The following EIF4ENIF1 variants were observed in gnomAD, a reference collection of about 807,000 sequenced individuals.
EIF4ENIF1 encodes the protein eukaryotic translation initiation factor 4E transporter.
A neutral mutation model predicts 110.5 loss-of-function variants in EIF4ENIF1; 23 were observed. The ratio of observed to expected loss-of-function variants is 0.21; its 90% CI spans 0.15 to 0.29. The LOEUF is 0.29. EIF4ENIF1 is among the 10% of genes least tolerant of loss of function. The probability of loss-of-function intolerance (pLI) is 1.00; values close to 1 mark genes in which losing one functional copy is unlikely to be tolerated. For missense variants in EIF4ENIF1, 1,031 were observed against 1,221.1 expected, an observed-to-expected ratio of 0.84 and a Z score of 2.32; for synonymous variants, 440 against 437.0, an observed-to-expected ratio of 1.01 and a Z score of -0.09.
intron 2 of EIF4ENIF1, among the ~76,000 whole-genome samples, chr22:31,475,891 T>C (rs916370462): frequency 1.3e-5 from 2 of 149,332 alleles, no homozygotes; most frequent in Non-Finnish European, 3.0e-5. Context: ...CACGGGAGAC[T>C]CCAGAGAAAT....
chr22:31,440,210 C>G, intron 18 of EIF4ENIF1, 89 bp from the exon 19 acceptor site: 4 of 1,587,084 alleles, frequency 2.5e-6, no homozygotes, highest in Non-Finnish European at 2.6e-6. Context: ...AAAGAAAAGT[C>G]TTTACTAGAG....
intron 14 of EIF4ENIF1, chr22:31,447,128 T>A (rs2050502232): frequency 5.0e-6 from 2 of 398,770 alleles, no homozygotes; most frequent in South Asian, 4.5e-5. Flanking sequence ...TGAGGTAAAT[T>A]AGGCGAGCAG....
At chr22:31,460,995 G>A (rs1222905392) in intron 6 of EIF4ENIF1, among the ~76,000 whole-genome samples, 1 of 152,080 alleles carries the variant, frequency 6.6e-6, no homozygotes, top group African/African-American at 2.4e-5. Flanking sequence ...CCCTTTTGTT[G>A]CCTAGTATCT....
intron 10 of EIF4ENIF1, among the ~76,000 whole-genome samples, chr22:31,452,641 A>G (rs2050708616): frequency 6.6e-6 from 1 of 152,242 alleles, no homozygotes; most frequent in Admixed American, 6.5e-5. Flanking sequence ...GAACCACACC[A>G]TTGCAGTCAG....
At chr22:31,451,510 G>A (rs1468798904) in intron 10 of EIF4ENIF1, among the ~76,000 whole-genome samples, 1 of 151,404 alleles carries the variant, frequency 6.6e-6, no homozygotes. Context: ...TCCTGACCTC[G>A]TGATCTGCCC....
chr22:31,471,797 A>C (rs774270188), intron 3 of EIF4ENIF1, 47 bp downstream of exon 3: 1 of 1,493,356 alleles, frequency 6.7e-7, no homozygotes, highest in Non-Finnish European at 9.1e-7. Context: ...TGGTATAACA[A>C]AAAGTTATTG....
chr22:31,451,401 GTA>G (rs1237116866), intron 10 of EIF4ENIF1: 2 of 152,054 alleles, frequency 1.3e-5, no homozygotes, highest in African/African-American at 4.8e-5. Flanking sequence ...AGCCTCCTGA[GTA>G]ACTGGGACTA....
rs530038607 is a variant in EIF4ENIF1, at chr22:31,451,523, C to T, written c.1513-1163G>A. Among the ~76,000 whole-genome samples the T allele has an allele frequency of 8.5e-5, 13 of 152,224 alleles. No homozygotes were observed. In the East Asian group the frequency reaches 2.3e-3, roughly 27 times the overall value. On this transcript the variant is annotated intron_variant, in intron 10 of 18. Coordinates refer to ENST00000330125, the MANE Select transcript of EIF4ENIF1 (RefSeq NM_019843.4). Reference sequence around the variant, plus strand: ...TCTCCTGACCTCGTGATCTGCCCGCCTCGGCCTCCCAAAGTACTGGGATTA... The same window carrying T: ...TCTCCTGACCTCGTGATCTGCCCGCTTCGGCCTCCCAAAGTACTGGGATTA...
At chr22:31,487,100 T>C (rs1282113878) in intron 2 of EIF4ENIF1, among the ~76,000 whole-genome samples, 1 of 152,102 alleles carries the variant, frequency 6.6e-6, no homozygotes, top group African/African-American at 2.4e-5. Flanking sequence ...AAGATTTTCT[T>C]TTCCCTTCAT....
rs952768216 is a variant in EIF4ENIF1 at position 31,458,664 on chromosome 22, C to G, written c.788-14G>C. Reference sequence around the variant, plus strand: ...ACTCTACTATACCTGAAAGCAAAACCAGGACAAAAACCGTCTGATAAGTAA... The same window carrying G: ...ACTCTACTATACCTGAAAGCAAAACGAGGACAAAAACCGTCTGATAAGTAA... On this transcript the variant is annotated splice_polypyrimidine_tract_variant and intron_variant, in intron 6 of 18. Coordinates refer to ENST00000330125, the MANE Select transcript of EIF4ENIF1 (RefSeq NM_019843.4). The G allele has an allele frequency of 2.6e-6, 4 of 1,564,866 alleles. No homozygotes were observed. The highest frequency in any genetic ancestry group is 1.4e-5 in the African/African-American group (1 of 74,004).
intron 6 of EIF4ENIF1, among the ~76,000 whole-genome samples, chr22:31,460,076 T>G (rs974631266): frequency 6.6e-6 from 1 of 152,228 alleles, no homozygotes; most frequent in Non-Finnish European, 1.5e-5. Flanking sequence ...TAATTAAGAA[T>G]GAGACAAAGA....
chr22:31,485,974 C>T (rs1406902385), intron 2 of EIF4ENIF1, among the ~76,000 whole-genome samples: 1 of 151,406 alleles, frequency 6.6e-6, no homozygotes, highest in Non-Finnish European at 1.5e-5. Context: ...AGGCCAGGTG[C>T]AGTGGCTCAC....
intron 18 of EIF4ENIF1, 32 bp downstream of exon 18, chr22:31,440,672 C>A: frequency 6.2e-7 from 1 of 1,605,112 alleles, no homozygotes; most frequent in South Asian, 1.1e-5. Context: ...CTAAGTCCGT[C>A]CCAAACTCAC....
chr22:31,438,438 T>TA (rs2050204877), downstream of EIF4ENIF1, among the ~76,000 whole-genome samples: 1 of 152,188 alleles, frequency 6.6e-6, no homozygotes, highest in Non-Finnish European at 1.5e-5. Context: ...GGGAAATTCT[T>TA]AGACTTCAGT....
At chr22:31,478,950 A>C (rs1050469542) in intron 2 of EIF4ENIF1, among the ~76,000 whole-genome samples, 14 of 69,244 alleles carry the variant, frequency 2.0e-4, no homozygotes, top group African/African-American at 2.5e-4. Flanking sequence ...AGACTGTTTC[A>C]AAAAAAAAAA....
chr22:31,441,210 G>A (rs1221728291), intron 17 of EIF4ENIF1, among the ~76,000 whole-genome samples: 6 of 151,984 alleles, frequency 3.9e-5, no homozygotes, highest in African/African-American at 4.8e-5. Context: ...CAGAGATCGC[G>A]CCACTGCACT....
intron 18 of EIF4ENIF1, 114 bp from the exon 19 acceptor site, chr22:31,440,235 C>T: frequency 6.8e-7 from 1 of 1,471,714 alleles, no homozygotes; most frequent in South Asian, 1.2e-5. Flanking sequence ...TTTTCTAGGG[C>T]TTCTTTAGAA....
intron 1 of EIF4ENIF1, chr22:31,489,031 G>T: frequency 3.6e-6 from 1 of 275,338 alleles, no homozygotes; most frequent in Non-Finnish European, 6.9e-6. Context: ...AAGATTAGTA[G>T]CTGCCACCCA....
chr22:31,471,317 CTTT>C (rs58233170), intron 3 of EIF4ENIF1, among the ~76,000 whole-genome samples: 1 of 140,640 alleles, frequency 7.1e-6, no homozygotes. Flanking sequence ...GGGTTCAAGT[CTTT>C]TTTTTTTTTT....
Sources: gnomAD v4.1 joint callset for allele counts (sites outside exome capture counted in the v4.1 genomes callset) on GRCh38, gnomAD v4.1.1 for gene constraint, MANE v1.5 for transcripts, NCBI Gene and HGNC (gene_info 2026-07-23, HGNC 2026-07-21) for gene names.